RALGPS1: variants seen among roughly 807,000 people sequenced by gnomAD.
The protein encoded by RALGPS1 is Ral GEF with PH domain and SH3 binding motif 1.
Under a neutral mutation model 78.8 loss-of-function variants are expected in RALGPS1, and 19 were observed. That is an observed-to-expected ratio of 0.24 (90% CI 0.17 to 0.35). RALGPS1 has a LOEUF of 0.35. Ranked by LOEUF, RALGPS1 falls within the 10% of genes least tolerant of loss-of-function variation. The pLI, the probability that RALGPS1 is intolerant of heterozygous loss-of-function variation, is 1.00. For missense variants in RALGPS1, 454 were observed against 688.3 expected, an observed-to-expected ratio of 0.66 and a Z score of 3.81; for synonymous variants, 228 against 256.3, an observed-to-expected ratio of 0.89 and a Z score of 1.06.
At chr9:127,069,951 T>G (rs1418178782) in intron 8 of RALGPS1, 1 of 152,264 alleles carries the variant, frequency 6.6e-6, no homozygotes, top group Non-Finnish European at 1.5e-5. Flanking sequence ...TTTTCGATGC[T>G]ATGACTCATT....
intron 8 of RALGPS1, among the ~76,000 whole-genome samples, chr9:127,084,337 A>G (rs1246052761): frequency 6.6e-6 from 1 of 152,166 alleles, no homozygotes; most frequent in Non-Finnish European, 1.5e-5. Flanking sequence ...AGAACGGCCC[A>G]TCTTTCATAG....
intron 8 of RALGPS1, among the ~76,000 whole-genome samples, chr9:127,072,655 G>A (rs775871010): frequency 3.3e-5 from 5 of 152,158 alleles, no homozygotes; most frequent in Admixed American, 1.3e-4. Flanking sequence ...GGAAAAGAAG[G>A]TGTAATGTCT....
chr9:127,076,386 A>G (rs947649813), intron 8 of RALGPS1, among the ~76,000 whole-genome samples: 3 of 152,240 alleles, frequency 2.0e-5, no homozygotes, highest in Non-Finnish European at 4.4e-5. Context: ...TCAAGGAACA[A>G]AAATTAGGTA....
intron 8 of RALGPS1, among the ~76,000 whole-genome samples, chr9:127,083,825 A>G (rs528544030): frequency 7.9e-5 from 12 of 152,202 alleles, no homozygotes; most frequent in Non-Finnish European, 1.6e-4. Context: ...CAGACAGTCC[A>G]GTGTAGTAAT....
rs1359709508 is a variant in RALGPS1, at chr9:127,221,411, T to C, written c.*2642T>C. 4 of 152,234 alleles carry C rather than the reference T, an allele frequency of 2.6e-5. No homozygotes were observed. Among genetic ancestry groups the C allele is most frequent in the Non-Finnish European group, 5.9e-5 (4 of 68,038 alleles). 9.4% of individuals were successfully genotyped at this position (152,234 alleles called of 1,614,324 possible). On this transcript the variant is annotated 3_prime_UTR_variant, in exon 19 of 19. Transcript: ENST00000259351. ...TCATGGCACCCCAAAATGAAAGTTA[T>C]AGAAAGCTGTCTACAACTGTGGAGT...
intron 8 of RALGPS1, chr9:127,093,898 C>CA: frequency 6.2e-7 from 1 of 1,614,022 alleles, no homozygotes; most frequent in Non-Finnish European, 8.5e-7. Context: ...GGCCATCCTC[C>CA]AGGGCCTGCA....
intron 8 of RALGPS1, among the ~76,000 whole-genome samples, chr9:127,162,241 C>T (rs954589927): frequency 3.9e-5 from 6 of 152,198 alleles, no homozygotes; most frequent in South Asian, 2.1e-4. Flanking sequence ...GGCGTTAGGC[C>T]TGATGGGGAG....
intron 7 of RALGPS1, among the ~76,000 whole-genome samples, chr9:127,055,692 G>T (rs2048682766): frequency 6.6e-6 from 1 of 152,184 alleles, no homozygotes; most frequent in Non-Finnish European, 1.5e-5. Flanking sequence ...CCTGGCTCCA[G>T]AATCCATGCT....
At chr9:127,064,961 T>C (rs2049554249) in intron 7 of RALGPS1, among the ~76,000 whole-genome samples, 1 of 152,158 alleles carries the variant, frequency 6.6e-6, no homozygotes, top group Non-Finnish European at 1.5e-5. Flanking sequence ...TTTTTTGTTT[T>C]TTTGTTTTGG....
intron 4 of RALGPS1, among the ~76,000 whole-genome samples, chr9:126,998,545 A>G (rs2042986953): frequency 6.6e-6 from 1 of 152,358 alleles, no homozygotes. Flanking sequence ...GTGGAGAAAT[A>G]GGAACACTTT....
intron 8 of RALGPS1, among the ~76,000 whole-genome samples, chr9:127,075,884 G>C (rs1166048545): frequency 2.6e-5 from 4 of 152,230 alleles, no homozygotes; most frequent in African/African-American, 9.6e-5. Context: ...TCCATGTAAA[G>C]ATGCCTTTAT....
rs980478699 is a variant in RALGPS1 at position 127,205,515 on chromosome 9, C to T, written c.1247+6449C>T. On this transcript the variant is annotated intron_variant, in intron 14 of 18. Coordinates refer to ENST00000259351, the MANE Select transcript of RALGPS1 (RefSeq NM_014636.3). The surrounding 1 kb of genome is among the most constrained non-coding windows in gnomAD (Gnocchi z 4.0). Reference sequence around the variant, plus strand: ...AGGGCTTTTTGCTTGACTCTGTTTTCGAGCCCTGCCAGGCAGCTGTTGCTG... The same window carrying T: ...AGGGCTTTTTGCTTGACTCTGTTTTTGAGCCCTGCCAGGCAGCTGTTGCTG... Among the ~76,000 whole-genome samples, 3 of 152,208 alleles carry T rather than the reference C, an allele frequency of 2.0e-5. No individual in the cohort carries two copies. The highest frequency in any genetic ancestry group is 4.8e-5 in the African/African-American group (2 of 41,450).
intron 5 of RALGPS1, among the ~76,000 whole-genome samples, chr9:127,042,845 A>G (rs1271976078): frequency 6.6e-6 from 1 of 152,224 alleles, no homozygotes; most frequent in African/African-American, 2.4e-5. Context: ...AGGCCAGTAT[A>G]CAAGAGTCAA....
chr9:127,192,713 C>T (rs542199811), intron 11 of RALGPS1, among the ~76,000 whole-genome samples: 1 of 152,218 alleles, frequency 6.6e-6, no homozygotes, highest in South Asian at 2.1e-4. Context: ...CATCAGCTAT[C>T]CAATCAAAGA....
intron 8 of RALGPS1, among the ~76,000 whole-genome samples, chr9:127,109,712 A>AG (rs2054608379): frequency 6.6e-6 from 1 of 152,254 alleles, no homozygotes; most frequent in Non-Finnish European, 1.5e-5. Context: ...CTAGGGATAC[A>AG]GCTACCAACA....
At chr9:126,985,425 T>C (rs1433282091) in intron 4 of RALGPS1, among the ~76,000 whole-genome samples, 1 of 152,210 alleles carries the variant, frequency 6.6e-6, no homozygotes, top group Non-Finnish European at 1.5e-5. Context: ...TATACTACAT[T>C]ATCTTGTAAA....
At chr9:127,124,757 T>C (rs899894164) in intron 8 of RALGPS1, among the ~76,000 whole-genome samples, 4 of 152,212 alleles carry the variant, frequency 2.6e-5, no homozygotes, top group Non-Finnish European at 5.9e-5. Flanking sequence ...TGAAAGGTTT[T>C]GAGCAAGACA....
At chr9:127,160,859 TGGG>T (rs937069345) in intron 8 of RALGPS1, among the ~76,000 whole-genome samples, 1 of 152,206 alleles carries the variant, frequency 6.6e-6, no homozygotes, top group Non-Finnish European at 1.5e-5. Context: ...TGTAAAATGG[TGGG>T]GAACAGGAGT....
At chr9:126,965,220 T>C (rs1429458322) in intron 2 of RALGPS1, among the ~76,000 whole-genome samples, 1 of 152,228 alleles carries the variant, frequency 6.6e-6, no homozygotes, top group African/African-American at 2.4e-5. Flanking sequence ...CTAAAGCCAG[T>C]TGGTTACCTC....
Sources: allele counts gnomAD v4.1 joint callset (sites outside exome capture counted in the v4.1 genomes callset), GRCh38; gene constraint gnomAD v4.1.1; non-coding constraint Gnocchi (gnomAD v3.1); transcripts MANE v1.5; gene names NCBI Gene and HGNC (gene_info 2026-07-23, HGNC 2026-07-21).